SMARCB1: variants seen among roughly 807,000 people sequenced by gnomAD.
The protein encoded by SMARCB1 is SWI/SNF related BAF chromatin remodeling complex subunit B1.
A neutral mutation model predicts 49.0 loss-of-function variants in SMARCB1; 5 were observed. The observed-to-expected ratio is 0.10, with a 90% CI of 0.05 to 0.21. The LOEUF is 0.21. Among genes scored for constraint, SMARCB1 ranks in the 10% least tolerant of loss-of-function variants. SMARCB1 has a pLI of 1.00. For synonymous variants in SMARCB1, 201 were observed against 200.1 expected, an observed-to-expected ratio of 1.00 and a Z score of -0.04; for missense variants, 226 against 509.2, an observed-to-expected ratio of 0.44 and a Z score of 5.35.
intron 3 of SMARCB1, among the ~76,000 whole-genome samples, chr22:23,796,541 T>C (rs1928758960): frequency 1.3e-5 from 2 of 152,202 alleles, no homozygotes; most frequent in South Asian, 2.1e-4. Flanking sequence ...GGAAAATCTT[T>C]TTTATGATTC....
chr22:23,807,785 TTTC>T (rs1358774668), intron 5 of SMARCB1, among the ~76,000 whole-genome samples: 4 of 107,910 alleles, frequency 3.7e-5, no homozygotes, highest in South Asian at 2.8e-4. Flanking sequence ...TGGTGGTAGA[TTTC>T]TTTTTTTTTC....
intron 3 of SMARCB1, among the ~76,000 whole-genome samples, chr22:23,798,732 C>T (rs987514327): frequency 1.1e-4 from 17 of 152,088 alleles, no homozygotes; most frequent in African/African-American, 3.6e-4. Context: ...GCTGTCTTCC[C>T]GGGTCCCTCC....
chr22:23,832,680 C>T (rs1431521056), intron 7 of SMARCB1, among the ~76,000 whole-genome samples: 1 of 152,350 alleles, frequency 6.6e-6, no homozygotes, highest in African/African-American at 2.4e-5. Context: ...GTGACGGGAC[C>T]ACTGCATGTG....
Position 23,835,073 on chromosome 22 carries a change from A to AG in SMARCB1, c.*894dup. On this transcript the variant is annotated 3_prime_UTR_variant, in exon 9 of 9. Coordinates refer to ENST00000644036, the MANE Select transcript of SMARCB1 (RefSeq NM_003073.5). ...CCCAGCAGGTGCTGTGGCCTGGGCC[A>AG]GCTCCTGCCTTACAAGCCAGCTGTG... The AG allele has an allele frequency of 7.2e-7, 1 of 1,398,420 alleles. No individual in the cohort carries two copies. 86.6% of individuals were successfully genotyped at this position (1,398,420 alleles called of 1,614,324 possible).
At chr22:23,828,883 G>T (rs1168335748) in intron 7 of SMARCB1, among the ~76,000 whole-genome samples, 1 of 152,220 alleles carries the variant, frequency 6.6e-6, no homozygotes, top group African/African-American at 2.4e-5. Context: ...CCAGGGCAGA[G>T]AACAGCCTGT....
chr22:23,826,597 C>T (rs955352315), intron 7 of SMARCB1, among the ~76,000 whole-genome samples: 5 of 152,178 alleles, frequency 3.3e-5, no homozygotes, highest in Admixed American at 6.5e-5. Context: ...ATCAGACTAT[C>T]ATCATCCACA....
chr22:23,803,213 G>C (rs1245973312), intron 4 of SMARCB1, 82 bp from the exon 5 acceptor site: 1 of 1,584,424 alleles, frequency 6.3e-7, no homozygotes, highest in African/African-American at 1.3e-5. Flanking sequence ...GCAGAAGCCT[G>C]CTGTGCAGAG....
rs1186098412 is a variant in SMARCB1 at position 23,825,428 on chromosome 22, A to G, written c.986+13A>G. On this transcript the variant is annotated intron_variant, in intron 7 of 8. Transcript: ENST00000644036. ...CCTACGCCTTCAGGTAGGATCATGCATGAGTCTCTCCCTCCCTCATCTCCC... is the reference window on the plus strand; with the variant it reads ...CCTACGCCTTCAGGTAGGATCATGCGTGAGTCTCTCCCTCCCTCATCTCCC... The G allele has an allele frequency of 6.2e-7, 1 of 1,610,848 alleles. No homozygotes were observed. The highest frequency in any genetic ancestry group is 1.3e-5 in the African/African-American group (1 of 74,966).
chr22:23,837,927 T>A lies in SMARCB1; in HGVS notation c.*3747T>A. On this transcript the variant is annotated 3_prime_UTR_variant, in exon 9 of 9. Coordinates refer to ENST00000644036, the MANE Select transcript of SMARCB1 (RefSeq NM_003073.5). The stretch of plus-strand genomic sequence containing the variant: ...GGGCCCCTCTGACTTCCCAAGACCC[T>A]GGAATTCTTCCCCTCATCTCCCCTA... The A allele has an allele frequency of 6.9e-7, 1 of 1,441,512 alleles. No homozygotes were observed. The highest frequency in any genetic ancestry group is 9.3e-7 in the Non-Finnish European group (1 of 1,073,762). 89.3% of individuals were successfully genotyped at this position (1,441,512 alleles called of 1,614,324 possible).
At chr22:23,831,600 C>G (rs756777688) in intron 7 of SMARCB1, among the ~76,000 whole-genome samples, 1 of 152,138 alleles carries the variant, frequency 6.6e-6, no homozygotes, top group Non-Finnish European at 1.5e-5. Flanking sequence ...ATGGTTGGTG[C>G]GAGCATTTCT....
intron 1 of SMARCB1, among the ~76,000 whole-genome samples, chr22:23,789,602 T>A (rs1928246260): frequency 6.6e-6 from 1 of 152,200 alleles, no homozygotes; most frequent in East Asian, 1.9e-4. Context: ...CATTTTAGTT[T>A]CTAGAAAGCT....
chr22:23,818,135 TGG>T (rs199771832), intron 6 of SMARCB1: 1 of 69,860 alleles, frequency 1.4e-5, no homozygotes, highest in East Asian at 3.9e-4. Flanking sequence ...CGAAATACTT[TGG>T]GTGTGTGTGT....
At chr22:23,803,187 T>G in intron 4 of SMARCB1, 108 bp from the exon 5 acceptor site, 5 of 1,477,134 alleles carry the variant, frequency 3.4e-6, no homozygotes, top group Admixed American at 1.7e-5. Context: ...AGCGGCCATC[T>G]TCCCCAGATG....
At chr22:23,816,393 A>C (rs1007107444) in intron 5 of SMARCB1, 2 of 400,070 alleles carry the variant, frequency 5.0e-6, no homozygotes, top group Non-Finnish European at 9.4e-6. Context: ...CACGTCTGCC[A>C]CCAGTTCAGC....
rs1176539233 is a variant in SMARCB1, at chr22:23,791,608, A to G, written c.94-148A>G. The G allele has an allele frequency of 3.3e-5, 26 of 785,038 alleles. No homozygotes were observed. In the Admixed American group the frequency reaches 4.4e-4, roughly 13 times the overall value. The allele number at this position is 785,038 out of a possible 1,614,324, so 48.6% of individuals were successfully genotyped here. On this transcript the variant is annotated intron_variant, in intron 1 of 8. Coordinates refer to ENST00000644036, the MANE Select transcript of SMARCB1 (RefSeq NM_003073.5). ...CTGCTGGTGAACCCTTCATATCAGC[A>G]GAATGTGTTTTAATGCTGCCGAAAG...
In SMARCB1 at chr22:23,835,874, C is replaced by A; in HGVS notation, c.*1694C>A. The stretch of plus-strand genomic sequence containing the variant: ...GGGAAGGCTGGGCCCTCACTCCTGA[C>A]CGCCAGCTCACACCGCCGCAAAGCC... On this transcript the variant is annotated 3_prime_UTR_variant, in exon 9 of 9. Transcript: ENST00000644036. 4 of 985,506 alleles carry A rather than the reference C, an allele frequency of 4.1e-6. No homozygotes were observed. Among genetic ancestry groups the A allele is most frequent in the Non-Finnish European group, 4.8e-6 (4 of 829,962 alleles). The allele number at this position is 985,506 out of a possible 1,614,324, so 61.0% of individuals were successfully genotyped here.
At position 23,801,042 on chromosome 22, in the gene SMARCB1, A is replaced by G. The variant is rs1057523475; in HGVS notation, c.461A>G (p.Asn154Ser). 1 of 1,614,076 alleles carries G rather than the reference A, an allele frequency of 6.2e-7. No individual in the cohort carries two copies. Among genetic ancestry groups the G allele is most frequent in the African/African-American group, 1.3e-5 (1 of 75,016 alleles). The change falls in exon 4 of 9, where the codon AAC becomes AGC. Residue 154 changes from asparagine to serine, a missense_variant. This residue lies in a region of SMARCB1 where 128 missense variants were observed against 263.9 expected (regional missense o/e 0.49). Coordinates refer to ENST00000644036, the MANE Select transcript of SMARCB1 (RefSeq NM_003073.5). ...AVPCSTTINR[N>S]RMGRDKKRTF... ...CCATGCTCCACAACCATCAACAGGA[A>G]CCGCATGGGCCGAGACAAGAAGAGA... is the stretch of plus-strand genomic sequence containing the variant.
rs761962434 is a variant in SMARCB1 at position 23,798,101 on chromosome 22, G to A, written c.363-2843G>A. 3.9e-5 allele frequency among the ~76,000 whole-genome samples: 6 copies of A among 152,274 alleles called. No individual in the cohort carries two copies. In the South Asian group the frequency reaches 1.0e-3, roughly 26 times the overall value. Reference sequence around the variant, plus strand: ...GCAGGGGCTCAGCCCAGGCTCTAACGTATCCAGTCAGAAAAGAGGAGGTGG... The same window carrying A: ...GCAGGGGCTCAGCCCAGGCTCTAACATATCCAGTCAGAAAAGAGGAGGTGG... On this transcript the variant is annotated intron_variant, in intron 3 of 8. Coordinates refer to ENST00000644036, the MANE Select transcript of SMARCB1 (RefSeq NM_003073.5).
Position 23,837,303 on chromosome 22 carries a change from C to A in SMARCB1, c.*3123C>A. The A allele has an allele frequency of 2.8e-6, 3 of 1,057,304 alleles. No individual in the cohort carries two copies. The highest frequency in any genetic ancestry group is 1.5e-5 in the South Asian group (1 of 67,684). The allele number at this position is 1,057,304 out of a possible 1,614,324, so 65.5% of individuals were successfully genotyped here. On this transcript the variant is annotated 3_prime_UTR_variant, in exon 9 of 9. Coordinates refer to ENST00000644036, the MANE Select transcript of SMARCB1 (RefSeq NM_003073.5). ...AAAGCCTTGCACAGAGTGCCAGCCC[C>A]GGGTTGGCCGTGAAGGACAAGCTTA...
Sources: allele counts gnomAD v4.1 joint callset (sites outside exome capture counted in the v4.1 genomes callset), GRCh38; gene constraint gnomAD v4.1.1; regional missense constraint gnomAD v4.1.1; transcripts MANE v1.5; gene names NCBI Gene and HGNC (gene_info 2026-07-23, HGNC 2026-07-21).